Variants in TNKS observed in about 807,000 individuals in gnomAD.
The protein encoded by TNKS is tankyrase, also known as poly [ADP-ribose] polymerase tankyrase-1.
In TNKS, 72 loss-of-function variants were observed where a neutral mutation model predicts 135.8. The observed-to-expected ratio is 0.53, with a 90% confidence interval of 0.44 to 0.64. TNKS has a LOEUF of 0.64. TNKS is among the 30% of genes least tolerant of loss of function. The pLI is 0.00. For missense variants in TNKS, 1,769 were observed against 1,674.0 expected, an observed-to-expected ratio of 1.06 and a Z score of -0.99; for synonymous variants, 849 against 649.3, an observed-to-expected ratio of 1.31 and a Z score of -4.68.
chr8:9,590,756 A>G (rs1369020813), intron 2 of TNKS, among the ~76,000 whole-genome samples: 1 of 152,198 alleles, frequency 6.6e-6, no homozygotes, highest in African/African-American at 2.4e-5. Context: ...CCGTTATTAA[A>G]TTGGCTGTCT....
At chr8:9,746,340 C>T (rs755008977) in intron 17 of TNKS, among the ~76,000 whole-genome samples, 1 of 152,074 alleles carries the variant, frequency 6.6e-6, no homozygotes, top group Admixed American at 6.6e-5. Context: ...ATTGTGTGAT[C>T]GATTGTCTTA....
intron 1 of TNKS, among the ~76,000 whole-genome samples, chr8:9,568,147 T>C (rs1226601524): frequency 6.6e-6 from 1 of 152,226 alleles, no homozygotes; most frequent in African/African-American, 2.4e-5. Flanking sequence ...AGTATGAAGC[T>C]CAGCATTAAT....
At chr8:9,724,606 G>A (rs898504326) in intron 12 of TNKS, among the ~76,000 whole-genome samples, 2 of 152,040 alleles carry the variant, frequency 1.3e-5, no homozygotes, top group African/African-American at 4.8e-5. Flanking sequence ...TGGGCTGTAT[G>A]TAAGTCATTT....
intron 2 of TNKS, among the ~76,000 whole-genome samples, chr8:9,588,518 C>T (rs71516521): frequency 1.2e-4 from 19 of 152,172 alleles, no homozygotes; most frequent in Non-Finnish European, 1.6e-4. Context: ...CCTCGTGATC[C>T]GCCCACCTCG....
At chr8:9,618,589 T>C (rs1307819479) in intron 3 of TNKS, among the ~76,000 whole-genome samples, 1 of 152,212 alleles carries the variant, frequency 6.6e-6, no homozygotes. Context: ...TTTTTTGTTT[T>C]AAATAGGGGT....
intron 5 of TNKS, among the ~76,000 whole-genome samples, chr8:9,691,542 A>G (rs1803270598): frequency 1.3e-5 from 2 of 152,162 alleles, no homozygotes; most frequent in East Asian, 3.9e-4. Context: ...GAAATGCAGA[A>G]TGAGAGTTTC....
chr8:9,666,761 G>A (rs781726426), intron 3 of TNKS, among the ~76,000 whole-genome samples: 14 of 151,512 alleles, frequency 9.2e-5, no homozygotes, highest in Non-Finnish European at 1.5e-4. Flanking sequence ...ATCTTGAACC[G>A]TTTTGAGTAA....
intron 1 of TNKS, among the ~76,000 whole-genome samples, chr8:9,569,331 C>T (rs758089283): frequency 6.6e-6 from 1 of 152,170 alleles, no homozygotes; most frequent in Non-Finnish European, 1.5e-5. Context: ...GTGAACACAC[C>T]TGGGTAACTA....
In TNKS at chr8:9,782,334, C is replaced by A. The variant is rs923558040; in HGVS notation, c.*5598C>A. 6.6e-6 allele frequency: 1 copy of A among 152,608 alleles called. No individual in the cohort carries two copies. The highest frequency in any genetic ancestry group is 2.4e-5 in the African/African-American group (1 of 41,420). 9.5% of individuals were successfully genotyped at this position (152,608 alleles called of 1,614,324 possible). Reference sequence around the variant, plus strand: ...GTAAATGATTAATATTCAATAAAACCATTTTTAAAGTACACTTGTGTGGAT... The same window carrying A: ...GTAAATGATTAATATTCAATAAAACAATTTTTAAAGTACACTTGTGTGGAT... On this transcript the variant is annotated 3_prime_UTR_variant, in exon 27 of 27. Coordinates refer to ENST00000310430, the MANE Select transcript of TNKS (RefSeq NM_003747.3).
chr8:9,575,362 C>T (rs1466719137), intron 1 of TNKS: 3 of 984,226 alleles, frequency 3.0e-6, no homozygotes, highest in Admixed American at 6.2e-5. Flanking sequence ...CAGGTGTGAG[C>T]CACCGCGCCC....
At chr8:9,687,484 T>G (rs1410489458) in intron 5 of TNKS, among the ~76,000 whole-genome samples, 1 of 152,206 alleles carries the variant, frequency 6.6e-6, no homozygotes. Flanking sequence ...TGAAAATGTC[T>G]TTTTTATTTT....
At chr8:9,686,995 T>C (rs974319365) in intron 5 of TNKS, among the ~76,000 whole-genome samples, 8 of 152,204 alleles carry the variant, frequency 5.3e-5, no homozygotes, top group South Asian at 2.1e-4. Flanking sequence ...TAATGCAGAA[T>C]TGAATTTCCT....
chr8:9,590,706 T>A (rs1020806605), intron 2 of TNKS, among the ~76,000 whole-genome samples: 2 of 152,238 alleles, frequency 1.3e-5, no homozygotes, highest in African/African-American at 4.8e-5. Flanking sequence ...GTTTGCCATT[T>A]GTATGTATTC....
At chr8:9,740,055 TAAAAAAAAAAA>T (rs58285747) in intron 17 of TNKS, among the ~76,000 whole-genome samples, 6 of 87,444 alleles carry the variant, frequency 6.9e-5, no homozygotes, top group Middle Eastern at 7.1e-3. Flanking sequence ...TAGAGTATAA[TAAAAAAAAAAA>T]AAAAAAAAAA....
chr8:9,617,894 G>C (rs1228364463), intron 3 of TNKS, among the ~76,000 whole-genome samples: 1 of 149,784 alleles, frequency 6.7e-6, no homozygotes, highest in Non-Finnish European at 1.5e-5. Flanking sequence ...ATCGTTTTAT[G>C]TTATTACTTT....
intron 3 of TNKS, among the ~76,000 whole-genome samples, chr8:9,669,740 A>C (rs532532715): frequency 1.3e-5 from 2 of 152,258 alleles, no homozygotes; most frequent in East Asian, 3.9e-4. Flanking sequence ...TAACCTAATT[A>C]AATAATGTAG....
chr8:9,643,997 T>C (rs1288341939), intron 3 of TNKS, among the ~76,000 whole-genome samples: 1 of 152,218 alleles, frequency 6.6e-6, no homozygotes, highest in African/African-American at 2.4e-5. Context: ...GAACACATTT[T>C]GCTAAATGGA....
chr8:9,725,857 A>G (rs940526223), intron 12 of TNKS, among the ~76,000 whole-genome samples: 1 of 152,206 alleles, frequency 6.6e-6, no homozygotes, highest in Non-Finnish European at 1.5e-5. Flanking sequence ...GTTTATTTAC[A>G]TTGGATTAAT....
intron 3 of TNKS, among the ~76,000 whole-genome samples, chr8:9,625,555 G>C (rs1800025362): frequency 6.6e-6 from 1 of 151,854 alleles, no homozygotes; most frequent in Admixed American, 6.6e-5. Context: ...TGCTTTTGCT[G>C]TGATTCGCAC....
Sources: gnomAD v4.1 joint callset for allele counts (sites outside exome capture counted in the v4.1 genomes callset) on GRCh38, gnomAD v4.1.1 for gene constraint, MANE v1.5 for transcripts, NCBI Gene and HGNC (gene_info 2026-07-23, HGNC 2026-07-21) for gene names.